The following GUCY1B1 variants were observed in gnomAD, a reference collection of about 807,000 sequenced individuals.
GUCY1B1 encodes the protein guanylate cyclase soluble subunit beta-1.
In GUCY1B1, 43 loss-of-function variants were observed where a neutral mutation model predicts 71.0. The observed-to-expected ratio is 0.61, with a 90% CI of 0.47 to 0.78. The LOEUF (loss-of-function observed/expected upper bound fraction) is 0.78. Among genes scored for constraint, GUCY1B1 ranks in the 30% least tolerant of loss-of-function variants. GUCY1B1 has a pLI of 0.00. For synonymous variants in GUCY1B1, 266 were observed against 259.7 expected (o/e 1.02, Z -0.23); for missense variants, 535 against 754.1 (o/e 0.71, Z 3.40).
In GUCY1B1 at chr4:155,803,693, T is replaced by C; in HGVS notation, c.1483T>C (p.Ser495Pro). The C allele has an allele frequency of 6.2e-7, 1 of 1,604,560 alleles. No homozygotes were observed. The highest frequency in any genetic ancestry group is 1.1e-5 in the South Asian group (1 of 89,226). ...LPEPCIHHAR[S>P]ICHLALDMME... is the part of the protein sequence containing the mutation. ...AGAGCCATGCATTCACCATGCACGA[T>C]CCATCTGCCACCTGGCCTTGGACAT... The change falls in exon 11 of 14, where the codon TCC becomes CCC. Residue 495 changes from serine to proline, a missense_variant. Ser to Pro is a moderately conservative substitution (Grantham distance 74). Coordinates refer to ENST00000264424, the MANE Select transcript of GUCY1B1 (RefSeq NM_000857.5).
chr4:155,782,897 CAA>C (rs1738532941), intron 4 of GUCY1B1, among the ~76,000 whole-genome samples: 1 of 152,114 alleles, frequency 6.6e-6, no homozygotes, highest in Admixed American at 6.5e-5. Flanking sequence ...GGGCTCTCAG[CAA>C]AGAGCTGGAA....
At chr4:155,806,115 C>A (rs1021270268) in intron 13 of GUCY1B1, among the ~76,000 whole-genome samples, 5 of 152,104 alleles carry the variant, frequency 3.3e-5, no homozygotes, top group Non-Finnish European at 7.4e-5. Context: ...AAATATTTAT[C>A]TTCTTTCACC....
rs527858807 is a variant in GUCY1B1, at chr4:155,799,528, T to C, written c.978-349T>C. 2.0e-5 allele frequency among the ~76,000 whole-genome samples: 3 copies of C among 152,264 alleles called. No homozygotes were observed. In the East Asian group the frequency reaches 5.8e-4, roughly 29 times the overall value. On this transcript the variant is annotated intron_variant, in intron 8 of 13. Coordinates refer to ENST00000264424, the MANE Select transcript of GUCY1B1 (RefSeq NM_000857.5). ...AGAGAATAAAGATAGATTTTTTTCC[T>C]CTCCTTATGATGAGAAAAAATTTGA...
In GUCY1B1 at chr4:155,789,836, A is replaced by C. The variant is rs2111107060; in HGVS notation, c.420A>C (p.Glu140Asp). 6.2e-7 allele frequency: 1 copy of C among 1,612,468 alleles called. No homozygotes were observed. Among genetic ancestry groups the C allele is most frequent in the South Asian group, 1.1e-5 (1 of 91,052 alleles). ...GLILHYYSEREGLQDIVIGII... is the reference protein window; with the variant it reads ...GLILHYYSERDGLQDIVIGII... ...TTTTGCACTACTACTCAGAGAGAGA[A>C]GGACTTCAGGATATTGTCATTGGAA... Residue 140 changes from glutamate to aspartate, a missense_variant, in exon 5 of 14, where the codon GAA becomes GAC. Physicochemically the swap from Glu to Asp is conservative, Grantham distance 45 (BLOSUM62 2). Coordinates refer to ENST00000264424, the MANE Select transcript of GUCY1B1 (RefSeq NM_000857.5).
chr4:155,766,551 A>G (rs1737347487), intron 2 of GUCY1B1, among the ~76,000 whole-genome samples: 1 of 152,204 alleles, frequency 6.6e-6, no homozygotes, highest in African/African-American at 2.4e-5. Context: ...TGTGCCAAAT[A>G]AACATTTCTT....
rs1416750506 is a variant in GUCY1B1, at chr4:155,804,572, G to T, written c.1555-21G>T. The T allele has an allele frequency of 3.1e-6, 5 of 1,587,780 alleles. No homozygotes were observed. In the South Asian group the frequency reaches 5.8e-5, roughly 18 times the overall value. On this transcript the variant is annotated intron_variant, in intron 11 of 13. Transcript: ENST00000264424. ...TGTGTTAGTGATCAAAATGATTGAA[G>T]CAAAGCTTTCTTTTTTGCAGATAAC...
intron 2 of GUCY1B1, among the ~76,000 whole-genome samples, chr4:155,761,891 C>T (rs188450003): frequency 3.0e-4 from 46 of 152,236 alleles, no homozygotes; most frequent in African/African-American, 9.4e-4. Context: ...ATAAAATTGC[C>T]TCAAGGTTAT....
At chr4:155,800,114 CAT>C (rs1213550600) in intron 9 of GUCY1B1, 40 bp downstream of exon 9, 1 of 1,333,890 alleles carries the variant, frequency 7.5e-7, no homozygotes, top group Non-Finnish European at 1.0e-6. Flanking sequence ...TTATTCATAA[CAT>C]AATGTGACTC....
rs1579242733 is a variant in GUCY1B1 at position 155,794,036 on chromosome 4, G to T, written c.676G>T (p.Asp226Tyr). The part of the protein sequence containing the change: ...AFPFHIIFDR[D>Y]LVVTQCGNAI... ...TCCTTTTCATATAATATTTGACCGGGACCTAGTGGTCACTCAGTGTGGCAA... is the reference window on the plus strand; with the variant it reads ...TCCTTTTCATATAATATTTGACCGGTACCTAGTGGTCACTCAGTGTGGCAA... Residue 226 changes from aspartate (D) to tyrosine (Y), a missense_variant, in exon 6 of 14, where the codon GAC becomes TAC. Transcript: ENST00000264424. 6.2e-7 allele frequency: 1 copy of T among 1,612,416 alleles called. No individual in the cohort carries two copies. The highest frequency in any genetic ancestry group is 8.5e-7 in the Non-Finnish European group (1 of 1,178,552).
At chr4:155,785,593 A>C (rs1465108618) in intron 4 of GUCY1B1, among the ~76,000 whole-genome samples, 1 of 152,004 alleles carries the variant, frequency 6.6e-6, no homozygotes, top group Non-Finnish European at 1.5e-5. Flanking sequence ...ATCTTTTTGT[A>C]GCAAAAAAAA....
intron 2 of GUCY1B1, among the ~76,000 whole-genome samples, chr4:155,771,021 T>C (rs745669445): frequency 4.6e-5 from 7 of 152,216 alleles, no homozygotes; most frequent in Non-Finnish European, 8.8e-5. Context: ...CTTTTGTTCA[T>C]TGATATATTA....
At chr4:155,765,011 C>T (rs774054324) in intron 2 of GUCY1B1, among the ~76,000 whole-genome samples, 9 of 151,586 alleles carry the variant, frequency 5.9e-5, no homozygotes, top group Non-Finnish European at 1.2e-4. Context: ...ATTTTCCTTG[C>T]ATTCTGTGAT....
At chr4:155,790,558 C>T (rs1203033102) in intron 5 of GUCY1B1, among the ~76,000 whole-genome samples, 1 of 152,124 alleles carries the variant, frequency 6.6e-6, no homozygotes, top group Non-Finnish European at 1.5e-5. Context: ...TACGGTTTCT[C>T]CCAGTCAGGC....
intron 11 of GUCY1B1, among the ~76,000 whole-genome samples, chr4:155,804,289 A>C (rs1359251640): frequency 6.6e-6 from 1 of 152,126 alleles, no homozygotes; most frequent in Non-Finnish European, 1.5e-5. Context: ...ACATGTTCTC[A>C]CTCATAAGTT....
At chr4:155,806,347 C>T in intron 13 of GUCY1B1, 39 bp from the exon 14 acceptor site, 2 of 1,402,668 alleles carry the variant, frequency 1.4e-6, no homozygotes, top group Non-Finnish European at 2.0e-6. Context: ...ACCTCACTAT[C>T]ACTGTAAATC....
intron 4 of GUCY1B1, among the ~76,000 whole-genome samples, chr4:155,784,524 A>G (rs1049893666): frequency 1.3e-5 from 2 of 152,126 alleles, no homozygotes; most frequent in African/African-American, 2.4e-5. Context: ...TGTTGGTCCT[A>G]TTTTTCAGAG....
rs900826266 is a variant in GUCY1B1, at chr4:155,777,517, A to T, written c.179-7A>T. The T allele has an allele frequency of 2.0e-6, 3 of 1,468,814 alleles. No individual in the cohort carries two copies. The highest frequency in any genetic ancestry group is 1.4e-5 in the African/African-American group (1 of 72,256). 91.0% of individuals were successfully genotyped at this position (1,468,814 alleles called of 1,614,324 possible). On this transcript the variant is annotated splice_polypyrimidine_tract_variant and splice_region_variant and intron_variant, in intron 3 of 13. Transcript: ENST00000264424. ...GCTTTTTTTCCCCTCTTGAATTTGT[A>T]AAATAGATCTCAATGCTGGAGAAAT...
intron 4 of GUCY1B1, among the ~76,000 whole-genome samples, chr4:155,777,999 T>A (rs1738174438): frequency 1.3e-5 from 2 of 152,158 alleles, no homozygotes; most frequent in Non-Finnish European, 2.9e-5. Flanking sequence ...AATATGGCCT[T>A]ATTTTCTATT....
intron 5 of GUCY1B1, among the ~76,000 whole-genome samples, chr4:155,793,392 A>G (rs953132588): frequency 2.6e-5 from 4 of 152,170 alleles, no homozygotes; most frequent in African/African-American, 9.6e-5. Flanking sequence ...TTGTAACTTT[A>G]TGTATTTGAT....
Sources: gnomAD v4.1 joint callset for allele counts (sites outside exome capture counted in the v4.1 genomes callset) on GRCh38, gnomAD v4.1.1 for gene constraint, MANE v1.5 for transcripts, NCBI Gene and HGNC (gene_info 2026-07-23, HGNC 2026-07-21) for gene names.